Variants in PLCH1 observed in about 807,000 individuals in gnomAD.
PLCH1 encodes 1-phosphatidylinositol 4,5-bisphosphate phosphodiesterase eta-1.
PLCH1 carries 60 observed loss-of-function variants against 126.7 expected under a neutral mutation model. The observed-to-expected ratio is 0.47, with a 90% CI of 0.38 to 0.59. The LOEUF is 0.59. PLCH1 is among the 20% of genes least tolerant of loss of function. The probability of loss-of-function intolerance (pLI) is 0.00; values close to 1 mark genes in which losing one functional copy is unlikely to be tolerated. For synonymous variants in PLCH1, 719 were observed against 734.9 expected (o/e 0.98, Z 0.35); for missense variants, 1,723 against 2,040.0 (o/e 0.84, Z 2.99).
chr3:155,677,821 C>A (rs1430222024), intron 2 of PLCH1, among the ~76,000 whole-genome samples: 1 of 152,158 alleles, frequency 6.6e-6, no homozygotes, highest in African/African-American at 2.4e-5. Context: ...CAAGATGGCA[C>A]CCCAAAATGT....
At chr3:155,684,002 G>A (rs151256786) in intron 2 of PLCH1, among the ~76,000 whole-genome samples, 1 of 152,240 alleles carries the variant, frequency 6.6e-6, no homozygotes, top group Non-Finnish European at 1.5e-5. Context: ...ACACTTGGAC[G>A]TACCTGATAT....
intron 2 of PLCH1, among the ~76,000 whole-genome samples, chr3:155,672,513 T>C (rs1447076550): frequency 6.6e-6 from 1 of 152,172 alleles, no homozygotes; most frequent in Non-Finnish European, 1.5e-5. Flanking sequence ...GGACTGATTA[T>C]GCAAGCAATA....
intron 21 of PLCH1, among the ~76,000 whole-genome samples, chr3:155,470,863 A>G (rs546168261): frequency 4.1e-4 from 62 of 152,052 alleles, no homozygotes; most frequent in African/African-American, 1.1e-3. Flanking sequence ...ATAATTTACA[A>G]ACAAGCAAAT....
intron 10 of PLCH1, among the ~76,000 whole-genome samples, chr3:155,540,819 T>C (rs56986197): frequency 6.8e-5 from 10 of 146,772 alleles, no homozygotes; most frequent in Non-Finnish European, 1.3e-4. Flanking sequence ...ACAACCATTA[T>C]GGAAAACAGT....
intron 10 of PLCH1, among the ~76,000 whole-genome samples, chr3:155,533,656 G>A (rs1353389627): frequency 1.3e-5 from 2 of 152,204 alleles, no homozygotes; most frequent in South Asian, 2.1e-4. Flanking sequence ...CAAGACAATG[G>A]GGAAAATGTC....
intron 6 of PLCH1, among the ~76,000 whole-genome samples, chr3:155,577,472 A>G (rs1730133908): frequency 6.6e-6 from 1 of 151,910 alleles, no homozygotes; most frequent in African/African-American, 2.4e-5. Context: ...ATATTTTCCT[A>G]CTCTGCCCTT....
intron 1 of PLCH1, among the ~76,000 whole-genome samples, chr3:155,741,805 C>T (rs1161285907): frequency 1.4e-5 from 2 of 146,090 alleles, no homozygotes; most frequent in Non-Finnish European, 3.0e-5. Context: ...AGAGCCAGAA[C>T]AAAGGATTAC....
intron 1 of PLCH1, among the ~76,000 whole-genome samples, chr3:155,729,252 C>A (rs1748575409): frequency 6.6e-6 from 1 of 152,198 alleles, no homozygotes; most frequent in Non-Finnish European, 1.5e-5. Flanking sequence ...GGGAATGTGT[C>A]CAATTTTCAT....
chr3:155,514,615 G>T, intron 12 of PLCH1, 108 bp downstream of exon 12: 1 of 687,208 alleles, frequency 1.5e-6, no homozygotes, highest in East Asian at 2.9e-5. Flanking sequence ...AGCAAAATGA[G>T]GACAGAAATA....
intron 8 of PLCH1, among the ~76,000 whole-genome samples, chr3:155,559,338 A>G (rs1380767778): frequency 6.6e-6 from 1 of 152,182 alleles, no homozygotes; most frequent in Non-Finnish European, 1.5e-5. Context: ...GACCTGGTCC[A>G]CTAAAGTTGC....
At chr3:155,559,256 G>C (rs1425206486) in intron 8 of PLCH1, among the ~76,000 whole-genome samples, 1 of 152,060 alleles carries the variant, frequency 6.6e-6, no homozygotes, top group Non-Finnish European at 1.5e-5. Flanking sequence ...AATCTCTTAA[G>C]AAGAGATTAT....
chr3:155,647,397 C>T (rs1740182837), intron 2 of PLCH1, among the ~76,000 whole-genome samples: 1 of 151,542 alleles, frequency 6.6e-6, no homozygotes, highest in Non-Finnish European at 1.5e-5. Context: ...TTTCTGGGGA[C>T]AGCACTATCA....
At chr3:155,547,310 C>G (rs1372815243) in intron 10 of PLCH1, among the ~76,000 whole-genome samples, 2 of 151,816 alleles carry the variant, frequency 1.3e-5, no homozygotes, top group Non-Finnish European at 2.9e-5. Context: ...CACTAGCCAT[C>G]AGAGAAATGC....
intron 10 of PLCH1, among the ~76,000 whole-genome samples, chr3:155,539,076 C>T (rs1445140026): frequency 1.3e-5 from 2 of 151,956 alleles, no homozygotes; most frequent in Non-Finnish European, 2.9e-5. Context: ...GGGTTTCATA[C>T]CAAGGATGCA....
Position 155,568,308 on chromosome 3 carries a change from G to T in PLCH1, c.788C>A (p.Thr263Lys). Residue 263 changes from threonine (T) to lysine (K), a missense_variant, in exon 7 of 23, where the codon ACG becomes AAG. Thr to Lys is a moderately conservative substitution (Grantham distance 78). Around this residue, in one of 2 missense-constraint regions of PLCH1, gnomAD observed 776 missense variants for 1,062.9 expected, o/e 0.73. Coordinates refer to ENST00000460012, the MANE Select transcript of PLCH1 (RefSeq NM_014996.4). Reference protein sequence around the residue: ...KVEQKMNNVTTDYCLDIIKKF... With the variant: ...KVEQKMNNVTKDYCLDIIKKF... The stretch of plus-strand genomic sequence containing the variant: ...CTTTATGATGTCAAGACAATAGTCC[G>T]TTGTCACATTATTCATCTAAGAAAA... The T allele has an allele frequency of 1.3e-6, 2 of 1,500,502 alleles. No individual in the cohort carries two copies. The highest frequency in any genetic ancestry group is 1.8e-6 in the Non-Finnish European group (2 of 1,081,608). The allele number at this position is 1,500,502 out of a possible 1,614,324, so 92.9% of individuals were successfully genotyped here.
intron 10 of PLCH1, among the ~76,000 whole-genome samples, chr3:155,542,278 G>A (rs567601259): frequency 1.1e-3 from 169 of 152,306 alleles, no homozygotes; most frequent in Middle Eastern, 3.4e-3. Context: ...GAGTCTCGCC[G>A]ATTGCTAGCA....
chr3:155,614,714 G>C (rs960752511), intron 2 of PLCH1, among the ~76,000 whole-genome samples: 5 of 152,160 alleles, frequency 3.3e-5, no homozygotes, highest in African/African-American at 1.2e-4. Context: ...ATAGTGCTGG[G>C]ATAATTGGCA....
chr3:155,588,205 C>G (rs1731629900), intron 4 of PLCH1, among the ~76,000 whole-genome samples: 1 of 151,984 alleles, frequency 6.6e-6, no homozygotes, highest in African/African-American at 2.4e-5. Context: ...CATATTTTTT[C>G]CCTTTAAAAC....
chr3:155,587,476 G>T (rs541196485), intron 4 of PLCH1, among the ~76,000 whole-genome samples: 109 of 152,222 alleles, frequency 7.2e-4, no homozygotes, highest in African/African-American at 2.6e-3. Flanking sequence ...TTTTGTACCT[G>T]ATTTAGCACA....
Sources: allele counts gnomAD v4.1 joint callset (sites outside exome capture counted in the v4.1 genomes callset), GRCh38; gene constraint gnomAD v4.1.1; regional missense constraint gnomAD v4.1.1; transcripts MANE v1.5; gene names NCBI Gene and HGNC (gene_info 2026-07-23, HGNC 2026-07-21).